NECAP2: variants seen among roughly 807,000 people sequenced by gnomAD.
NECAP2 encodes NECAP endocytosis associated 2, also known as adaptin ear-binding coat-associated protein 2.
Under a neutral mutation model 37.8 loss-of-function variants are expected in NECAP2, and 38 were observed. The ratio of observed to expected loss-of-function variants is 1.01; its 90% CI spans 0.78 to 1.32. The LOEUF (loss-of-function observed/expected upper bound fraction) is 1.32, where lower values mean the gene tolerates loss of function less well. Ranked by LOEUF, NECAP2 falls within the 40% of genes most tolerant of loss-of-function variation. The pLI is 0.00. For synonymous variants in NECAP2, 121 were observed against 127.7 expected (o/e 0.95, Z 0.35); for missense variants, 316 against 334.5 (o/e 0.94, Z 0.43).
intron 1 of NECAP2, among the ~76,000 whole-genome samples, chr1:16,442,783 G>A (rs780843152): frequency 6.6e-6 from 1 of 152,230 alleles, no homozygotes; most frequent in Non-Finnish European, 1.5e-5. Flanking sequence ...TTGGCCTGGT[G>A]TGTTGGTACA....
At chr1:16,448,249 C>T in intron 4 of NECAP2, 108 bp downstream of exon 4, 1 of 1,107,282 alleles carries the variant, frequency 9.0e-7, no homozygotes, top group South Asian at 1.3e-5. Context: ...TGTCTGGCAG[C>T]AGAGACTCAG....
intron 5 of NECAP2, chr1:16,450,430 C>T (rs2086825400): frequency 4.3e-6 from 1 of 235,276 alleles, no homozygotes; most frequent in South Asian, 4.7e-5. Context: ...TGTGCTCACA[C>T]TGAGGTCTTT....
At chr1:16,456,514 AC>A (rs2086922133) in intron 7 of NECAP2, among the ~76,000 whole-genome samples, 1 of 151,890 alleles carries the variant, frequency 6.6e-6, no homozygotes, top group South Asian at 2.1e-4. Flanking sequence ...CTTCTTCTAT[AC>A]CCCATCCCCC....
chr1:16,447,318 T>TTTAATA (rs2086778480), intron 2 of NECAP2, among the ~76,000 whole-genome samples: 1 of 152,240 alleles, frequency 6.6e-6, no homozygotes, highest in African/African-American at 2.4e-5. Context: ...CAAGGGCTTT[T>TTTAATA]AAAGCTAGTC....
chr1:16,448,670 G>T (rs571213249), intron 4 of NECAP2, among the ~76,000 whole-genome samples: 1 of 152,164 alleles, frequency 6.6e-6, no homozygotes, highest in African/African-American at 2.4e-5. Flanking sequence ...CTTTTGTGTT[G>T]CCCTCTACTT....
In NECAP2 at chr1:16,452,839, C is replaced by T. The variant is rs190223143; in HGVS notation, c.667+824C>T. ...CTTCCCCAGGCTGGGCGATTGTCACCAGCGTGCCTTCTGCACACAGCTCTC... is the reference window on the plus strand; with the variant it reads ...CTTCCCCAGGCTGGGCGATTGTCACTAGCGTGCCTTCTGCACACAGCTCTC... On this transcript the variant is annotated intron_variant, in intron 6 of 7. Transcript: ENST00000337132. Among the ~76,000 whole-genome samples the T allele has an allele frequency of 6.2e-4, 94 of 152,028 alleles. 1 individual carries two copies. The highest frequency in any genetic ancestry group is 1.4e-3 in the African/African-American group (58 of 41,474).
Position 16,459,118 on chromosome 1 carries a change from G to A in NECAP2, c.*228G>A. The A allele has an allele frequency of 1.0e-6, 1 of 970,188 alleles. No homozygotes were observed. The highest frequency in any genetic ancestry group is 1.5e-6 in the Non-Finnish European group (1 of 668,990). The allele number at this position is 970,188 out of a possible 1,614,324, so 60.1% of individuals were successfully genotyped here. Reference sequence around the variant, plus strand: ...GCAACCAGAACACAGGAGAAGAAAAGCTCCAGGATCCCTGTCCCCATCTGT... The same window carrying A: ...GCAACCAGAACACAGGAGAAGAAAAACTCCAGGATCCCTGTCCCCATCTGT... On this transcript the variant is annotated 3_prime_UTR_variant, in exon 8 of 8. Transcript: ENST00000337132.
intron 2 of NECAP2, among the ~76,000 whole-genome samples, chr1:16,444,526 G>A (rs998840171): frequency 1.3e-5 from 2 of 152,154 alleles, no homozygotes; most frequent in Admixed American, 6.6e-5. Context: ...ATGACCTCTG[G>A]GGCCTTGGCC....
chr1:16,457,164 T>TA (rs1335180428), intron 7 of NECAP2, among the ~76,000 whole-genome samples: 4 of 152,124 alleles, frequency 2.6e-5, no homozygotes, highest in Admixed American at 6.5e-5. Flanking sequence ...TTTACAAAAA[T>TA]AGAGGCATGG....
intron 7 of NECAP2, among the ~76,000 whole-genome samples, chr1:16,456,282 C>T (rs564604377): frequency 6.6e-6 from 1 of 152,292 alleles, no homozygotes; most frequent in African/African-American, 2.4e-5. Context: ...GCCTCGTCCT[C>T]CCAAAGTACT....
Position 16,440,773 on chromosome 1 carries a change from C to T in NECAP2, c.12C>T (p.Ser4=), listed in dbSNP as rs774357126. MEE[S]GYESVLCVKP... ...CTCCAGGCGTCGCGATGGAGGAGAG[C>T]GGGTACGAGTCGGTGCTCTGTGTCA... is the stretch of plus-strand genomic sequence containing the variant. The change falls in exon 1 of 8, where the codon AGC becomes AGT. Residue 4 remains serine (S), a synonymous_variant. Transcript: ENST00000337132. 3.8e-5 allele frequency: 61 copies of T among 1,613,978 alleles called. No homozygotes were observed. The South Asian group carries it at 6.5e-4, about 17-fold the overall frequency.
chr1:16,445,728 AC>A (rs1386528492), intron 2 of NECAP2, among the ~76,000 whole-genome samples: 1 of 151,978 alleles, frequency 6.6e-6, no homozygotes, highest in Non-Finnish European at 1.5e-5. Flanking sequence ...ATATGGCAAA[AC>A]CCTGTCTCTA....
chr1:16,441,010 G>T (rs2086683136), intron 1 of NECAP2, among the ~76,000 whole-genome samples, 157 bp downstream of exon 1: 1 of 152,214 alleles, frequency 6.6e-6, no homozygotes, highest in African/African-American at 2.4e-5. Context: ...GAGCAGGGAG[G>T]TGGATCCAGA....
chr1:16,440,745 G>A lies in NECAP2; in HGVS notation c.-17G>A, dbSNP rs377603617. 1.1e-5 allele frequency: 17 copies of A among 1,609,656 alleles called. No homozygotes were observed. In the African/African-American group the frequency reaches 2.1e-4, roughly 20 times the overall value. Reference sequence around the variant, plus strand: ...CGGTGGAAGTCGCCGGAAGTTCGGTGGGCTCCAGGCGTCGCGATGGAGGAG... The same window carrying A: ...CGGTGGAAGTCGCCGGAAGTTCGGTAGGCTCCAGGCGTCGCGATGGAGGAG... On this transcript the variant is annotated 5_prime_UTR_variant, in exon 1 of 8. Coordinates refer to ENST00000337132, the MANE Select transcript of NECAP2 (RefSeq NM_018090.5).
chr1:16,449,199 G>A lies in NECAP2; in HGVS notation c.487G>A (p.Ala163Thr), dbSNP rs757043148. ...GGGCCAGACCATCAAGCTCAACATCGCAGTGAGTTCTACCCTTGCTTGGCT... is the reference window on the plus strand; with the variant it reads ...GGGCCAGACCATCAAGCTCAACATCACAGTGAGTTCTACCCTTGCTTGGCT... ...KEGQTIKLNI[A>T]NMKKKEGAAG... Residue 163 changes from alanine (A) to threonine (T), a missense_variant and splice_region_variant, in exon 5 of 8, where the codon GCA becomes ACA. Around this residue, in one of 3 missense-constraint regions of NECAP2, gnomAD observed 204 missense variants for 188.6 expected, o/e 1.08. Coordinates refer to ENST00000337132, the MANE Select transcript of NECAP2 (RefSeq NM_018090.5). 1.0e-5 allele frequency: 16 copies of A among 1,606,284 alleles called. No homozygotes were observed. The East Asian group carries it at 1.1e-4, about 11-fold the overall frequency.
At chr1:16,458,069 T>TA (rs2086954689) in intron 7 of NECAP2, among the ~76,000 whole-genome samples, 1 of 152,218 alleles carries the variant, frequency 6.6e-6, no homozygotes, top group Admixed American at 6.5e-5. Context: ...GCAGCATTCT[T>TA]ACATGTGATG....
chr1:16,456,314 C>T (rs999159728), intron 7 of NECAP2, among the ~76,000 whole-genome samples: 4 of 152,162 alleles, frequency 2.6e-5, no homozygotes, highest in South Asian at 2.1e-4. Context: ...CATGAGCCAC[C>T]GCGCCTGGCC....
chr1:16,450,139 C>G, intron 5 of NECAP2: 1 of 452,858 alleles, frequency 2.2e-6, no homozygotes, highest in Non-Finnish European at 4.4e-6. Flanking sequence ...CCAGCTGGCC[C>G]TTAAGAGAGA....
intron 1 of NECAP2, 109 bp downstream of exon 1, chr1:16,440,962 G>A: frequency 1.2e-6 from 1 of 863,988 alleles, no homozygotes; most frequent in Non-Finnish European, 1.9e-6. Context: ...TTGGGGCGAG[G>A]GGGAGCTAAT....
Sources: allele counts gnomAD v4.1 joint callset (sites outside exome capture counted in the v4.1 genomes callset), GRCh38; gene constraint gnomAD v4.1.1; regional missense constraint gnomAD v4.1.1; transcripts MANE v1.5; gene names NCBI Gene and HGNC (gene_info 2026-07-23, HGNC 2026-07-21).